Variants in ARRB1 observed in about 807,000 individuals in gnomAD.
ARRB1 encodes arrestin beta 1, also known as beta-arrestin-1.
Under a neutral mutation model 56.8 loss-of-function variants are expected in ARRB1, and 21 were observed. The observed-to-expected ratio is 0.37, with a 90% CI of 0.26 to 0.53. The LOEUF (loss-of-function observed/expected upper bound fraction) is 0.53. Among genes scored for constraint, ARRB1 ranks in the 20% least tolerant of loss-of-function variants. The pLI, the probability that ARRB1 is intolerant of heterozygous loss-of-function variation, is 0.88. For synonymous variants in ARRB1, 210 were observed against 218.6 expected (o/e 0.96, Z 0.35); for missense variants, 424 against 553.7 (o/e 0.77, Z 2.35).
In ARRB1 at chr11:75,274,177, C is replaced by T. The variant is rs1437044935; in HGVS notation, c.811G>A (p.Val271Ile). The T allele has an allele frequency of 3.7e-6, 6 of 1,613,998 alleles. No individual in the cohort carries two copies. Among genetic ancestry groups the T allele is most frequent in the Non-Finnish European group, 5.1e-6 (6 of 1,180,014 alleles). ...TVAPSSTFCK[V>I]YTLTPFLANN... ...GCTAGGAAGGGGGTCAGTGTGTAGA[C>T]CTTGCAGAACGTCGAGCTGGGTGCC... The change falls in exon 11 of 16, where the codon GTC (valine) becomes ATC (isoleucine). Residue 271 changes from valine (V) to isoleucine (I), a missense_variant. Physicochemically the swap from Val to Ile is conservative, Grantham distance 29. This residue lies in a region of ARRB1 where 301 missense variants were observed against 387.9 expected (regional missense o/e 0.78). Coordinates refer to ENST00000420843, the MANE Select transcript of ARRB1 (RefSeq NM_004041.5).
intron 1 of ARRB1, among the ~76,000 whole-genome samples, chr11:75,313,560 C>T (rs1947207743): frequency 2.0e-5 from 3 of 152,140 alleles, no homozygotes; most frequent in African/African-American, 7.2e-5. Flanking sequence ...TGGGCCCTTC[C>T]AGATCCCGTG....
intron 1 of ARRB1, among the ~76,000 whole-genome samples, chr11:75,340,147 A>G (rs1225766484): frequency 6.6e-6 from 1 of 152,202 alleles, no homozygotes; most frequent in Non-Finnish European, 1.5e-5. Flanking sequence ...AATGCTAGCT[A>G]TTTGTTCCTC....
intron 1 of ARRB1, among the ~76,000 whole-genome samples, chr11:75,304,633 G>T (rs1287796991): frequency 6.6e-6 from 1 of 151,530 alleles, no homozygotes; most frequent in Admixed American, 6.6e-5. Flanking sequence ...GAGACATTGT[G>T]GGCTGTCATG....
At chr11:75,268,275 C>T (rs530437138) in intron 14 of ARRB1, among the ~76,000 whole-genome samples, 3 of 151,912 alleles carry the variant, frequency 2.0e-5, no homozygotes, top group Non-Finnish European at 2.9e-5. Flanking sequence ...GAGGTTGAGG[C>T]GGGAAGATCA....
At chr11:75,290,663 A>G (rs1946589199) in intron 1 of ARRB1, among the ~76,000 whole-genome samples, 1 of 152,022 alleles carries the variant, frequency 6.6e-6, no homozygotes, top group African/African-American at 2.4e-5. Context: ...CACTGCTTCA[A>G]TCTCTGCCTC....
intron 1 of ARRB1, among the ~76,000 whole-genome samples, chr11:75,328,473 C>A (rs1048356606): frequency 1.3e-5 from 2 of 152,214 alleles, no homozygotes. Context: ...CAGAAGACAA[C>A]ATTGAGGTTC....
At chr11:75,269,162 A>G in intron 13 of ARRB1, 1 of 743,074 alleles carries the variant, frequency 1.3e-6, no homozygotes, top group Non-Finnish European at 2.4e-6. Context: ...TCTGGTCCCA[A>G]AAAGAAATGG....
rs1485667475 is a variant in ARRB1, at chr11:75,263,168, C to T, written c.*2995G>A. Among the ~76,000 whole-genome samples the T allele has an allele frequency of 6.6e-6, 1 of 152,326 alleles. No homozygotes were observed. Among genetic ancestry groups the T allele is most frequent in the South Asian group, 2.1e-4 (1 of 4,828 alleles). On this transcript the variant is annotated 3_prime_UTR_variant, in exon 16 of 16. Transcript: ENST00000420843. ...GGTGCCTGGGGCCTAGTGAGGCTCCCCCACCCCTAGTTTCACTTCAAGGTA... is the reference window on the plus strand; with the variant it reads ...GGTGCCTGGGGCCTAGTGAGGCTCCTCCACCCCTAGTTTCACTTCAAGGTA...
rs909771728 is a variant in ARRB1, at chr11:75,332,894, CA to C, written c.20+18693del. ...TGGGCGACAGAGTGAGACTCCATCTCAAAAAAAAAAATGTACCTATAGCCTG... is the reference window on the plus strand; with the variant it reads ...TGGGCGACAGAGTGAGACTCCATCTCAAAAAAAAAATGTACCTATAGCCTG... On this transcript the variant is annotated intron_variant, in intron 1 of 15. Coordinates refer to ENST00000420843, the MANE Select transcript of ARRB1 (RefSeq NM_004041.5). Among the ~76,000 whole-genome samples, 613 of 147,046 alleles carry C rather than the reference CA, an allele frequency of 4.2e-3. 3 individuals carry two copies. Among genetic ancestry groups the C allele is most frequent in the African/African-American group, 0.014 (547 of 40,290 alleles).
In ARRB1 at chr11:75,264,200, C is replaced by T. The variant is rs1376058995; in HGVS notation, c.*1963G>A. ...TTGAGTGGTCATGAGACTCAGAAGT[C>T]GCGCTGCCAGGCTTGTGAAACAGGT... On this transcript the variant is annotated 3_prime_UTR_variant, in exon 16 of 16. Transcript: ENST00000420843. 2 of 152,194 alleles carry T rather than the reference C, an allele frequency of 1.3e-5. No homozygotes were observed. Among genetic ancestry groups the T allele is most frequent in the African/African-American group, 4.8e-5 (2 of 41,416 alleles). 9.4% of individuals were successfully genotyped at this position (152,194 alleles called of 1,614,324 possible). A position where few individuals can be genotyped will look rare whatever the true frequency, so the allele number is the denominator to read the frequency against.
chr11:75,299,467 T>C (rs2140458514), intron 1 of ARRB1, among the ~76,000 whole-genome samples: 2 of 150,002 alleles, frequency 1.3e-5, no homozygotes, highest in South Asian at 2.1e-4. Flanking sequence ...AAAAAGTAAG[T>C]GAAGTAGGGA....
chr11:75,268,236 A>G (rs3932962), intron 14 of ARRB1, among the ~76,000 whole-genome samples: 24,635 of 152,068 alleles, frequency 0.16, 2,452 homozygotes, highest in African/African-American at 0.28. Flanking sequence ...CAGGCATGGT[A>G]GCTCATGCCT....
At chr11:75,321,725 A>C (rs1429602983) in intron 1 of ARRB1, among the ~76,000 whole-genome samples, 5 of 152,184 alleles carry the variant, frequency 3.3e-5, no homozygotes, top group African/African-American at 7.2e-5. Flanking sequence ...GGTTGTTCTG[A>C]GGATTAAGTG....
chr11:75,305,709 T>C (rs1947012712), intron 1 of ARRB1, among the ~76,000 whole-genome samples: 1 of 152,162 alleles, frequency 6.6e-6, no homozygotes, highest in Non-Finnish European at 1.5e-5. Context: ...CAGCCTGCTG[T>C]ATGGATCAAG....
intron 11 of ARRB1, among the ~76,000 whole-genome samples, chr11:75,273,815 C>T (rs1048143774): frequency 6.6e-6 from 1 of 152,196 alleles, no homozygotes; most frequent in African/African-American, 2.4e-5. Flanking sequence ...AGGTTGCCCT[C>T]CCCCAGGCAT....
chr11:75,301,190 T>C (rs902107759), intron 1 of ARRB1, among the ~76,000 whole-genome samples: 1 of 148,344 alleles, frequency 6.7e-6, no homozygotes, highest in Non-Finnish European at 1.5e-5. Flanking sequence ...ATGAGGAAGA[T>C]CTTGAAGGAC....
chr11:75,280,957 G>A (rs1391470485), intron 7 of ARRB1, 118 bp downstream of exon 7: 1 of 1,244,046 alleles, frequency 8.0e-7, no homozygotes, highest in Non-Finnish European at 1.1e-6. Context: ...TCCAAGGCTG[G>A]AATGTGCGCC....
intron 1 of ARRB1, among the ~76,000 whole-genome samples, chr11:75,324,873 A>G (rs905731421): frequency 6.6e-6 from 1 of 151,914 alleles, no homozygotes; most frequent in Non-Finnish European, 1.5e-5. Context: ...TGCCTCTCTA[A>G]CCACCCCCAC....
At chr11:75,312,256 TG>T in intron 1 of ARRB1, 1 of 809,454 alleles carries the variant, frequency 1.2e-6, no homozygotes, top group Non-Finnish European at 1.8e-6. Flanking sequence ...GGCCTGCCCC[TG>T]GGAAGGAGTG....
Sources: gnomAD v4.1 joint callset for allele counts (sites outside exome capture counted in the v4.1 genomes callset) on GRCh38, gnomAD v4.1.1 for gene constraint, gnomAD v4.1.1 regional missense constraint, MANE v1.5 for transcripts, NCBI Gene and HGNC (gene_info 2026-07-23, HGNC 2026-07-21) for gene names.